WDR25: variants seen among roughly 807,000 people sequenced by gnomAD.
WDR25 encodes WD repeat domain 25.
In WDR25, 35 loss-of-function variants were observed where a neutral mutation model predicts 47.7. That is an observed-to-expected ratio of 0.73 (90% CI 0.56 to 0.97). The LOEUF (loss-of-function observed/expected upper bound fraction) is 0.97, where lower values mean the gene tolerates loss of function less well. Ranked by LOEUF, WDR25 falls within the 50% of genes least tolerant of loss-of-function variation. The pLI is 0.00. For synonymous variants in WDR25, 248 were observed against 278.9 expected, an observed-to-expected ratio of 0.89 and a Z score of 1.10; for missense variants, 634 against 704.7, an observed-to-expected ratio of 0.90 and a Z score of 1.14.
intron 2 of WDR25, among the ~76,000 whole-genome samples, chr14:100,454,291 C>T (rs1899131695): frequency 6.6e-6 from 1 of 152,190 alleles, no homozygotes; most frequent in Non-Finnish European, 1.5e-5. Context: ...CTCTCCTAAA[C>T]ATTCCTACCA....
intron 4 of WDR25, among the ~76,000 whole-genome samples, chr14:100,524,193 A>C (rs1404536795): frequency 6.6e-6 from 1 of 151,954 alleles, no homozygotes; most frequent in Non-Finnish European, 1.5e-5. Context: ...TGGCAGGGGC[A>C]TGTAGGTAGT....
intron 4 of WDR25, among the ~76,000 whole-genome samples, chr14:100,524,889 G>A (rs1260234045): frequency 6.6e-6 from 1 of 152,208 alleles, no homozygotes; most frequent in African/African-American, 2.4e-5. Flanking sequence ...TGAATTTGAT[G>A]TATACATTTT....
intron 2 of WDR25, among the ~76,000 whole-genome samples, chr14:100,410,830 T>C (rs1037740844): frequency 6.6e-6 from 1 of 151,334 alleles, no homozygotes; most frequent in Non-Finnish European, 1.5e-5. Flanking sequence ...TCGCCCACAC[T>C]GGAGTGCAGT....
In WDR25 at chr14:100,530,152, A is replaced by C; in HGVS notation, c.*111A>C. ...AGGTTGGCTGTGGGTCCTGGGTACC[A>C]CCTTCTGAGCCTCAGTTTCCTCATC... On this transcript the variant is annotated 3_prime_UTR_variant, in exon 7 of 7. Transcript: ENST00000402312. The C allele has an allele frequency of 9.2e-7, 1 of 1,087,780 alleles. No individual in the cohort carries two copies. The allele number at this position is 1,087,780 out of a possible 1,614,324, so 67.4% of individuals were successfully genotyped here.
intron 2 of WDR25, among the ~76,000 whole-genome samples, chr14:100,408,343 C>T (rs1473881499): frequency 1.3e-5 from 2 of 152,080 alleles, no homozygotes; most frequent in African/African-American, 4.8e-5. Context: ...AATTTAGGGG[C>T]TTAGAAACTC....
At position 100,378,863 on chromosome 14, in the gene WDR25, CAGG is replaced by C. The variant is rs1210072106; in HGVS notation, c.-15-2044_-15-2042del. 3.6e-5 allele frequency among the ~76,000 whole-genome samples: 2 copies of C among 56,310 alleles called. 1 individual carries two copies. The highest frequency in any genetic ancestry group is 9.6e-5 in the Non-Finnish European group (2 of 20,742). 36.9% of individuals were successfully genotyped at this position (56,310 alleles called of 152,430 possible). ...GTCCCAGCTACTTGGGAGGCTGAGG[CAGG>C]AGAATGGCGTGAACCCGGGAGGCGG... On this transcript the variant is annotated intron_variant, in intron 1 of 6. Transcript: ENST00000402312.
chr14:100,490,264 G>A (rs1900519197), intron 4 of WDR25, among the ~76,000 whole-genome samples: 1 of 152,222 alleles, frequency 6.6e-6, no homozygotes, highest in African/African-American at 2.4e-5. Flanking sequence ...CCAGCATCCA[G>A]CATAGTGCTA....
intron 3 of WDR25, among the ~76,000 whole-genome samples, chr14:100,473,403 G>A (rs963829241): frequency 1.3e-5 from 2 of 152,174 alleles, no homozygotes; most frequent in Admixed American, 1.3e-4. Context: ...GGTATGGTGT[G>A]GCATGCCCTC....
chr14:100,382,281 G>A (rs966319201), intron 2 of WDR25: 6 of 663,756 alleles, frequency 9.0e-6, no homozygotes, highest in Admixed American at 8.6e-5. Context: ...GGAGCCCAAC[G>A]GGAGGGTTAC....
At chr14:100,445,512 A>C (rs1249278297) in intron 2 of WDR25, among the ~76,000 whole-genome samples, 1 of 152,218 alleles carries the variant, frequency 6.6e-6, no homozygotes, top group Non-Finnish European at 1.5e-5. Flanking sequence ...AAAGGTGAAA[A>C]GAAGACTGAG....
intron 4 of WDR25, among the ~76,000 whole-genome samples, chr14:100,513,160 G>T (rs1039531665): frequency 1.2e-4 from 19 of 152,068 alleles, no homozygotes; most frequent in African/African-American, 3.4e-4. Context: ...TTCTATAAGA[G>T]CTGTGCTATA....
Position 100,425,355 on chromosome 14 carries a change from C to G in WDR25, c.823-42666C>G, listed in dbSNP as rs1279744397. Among the ~76,000 whole-genome samples, 1 of 152,250 alleles carries G rather than the reference C, an allele frequency of 6.6e-6. No individual in the cohort carries two copies. The highest frequency in any genetic ancestry group is 1.5e-5 in the Non-Finnish European group (1 of 68,044). On this transcript the variant is annotated intron_variant, in intron 2 of 6. Coordinates refer to ENST00000402312, the MANE Select transcript of WDR25 (RefSeq NM_001161476.3). This position sits in a 1 kb window ranked among gnomAD's most constrained non-coding sequence, Gnocchi z 4.8. ...CAGTGCCCAGCACAGGGGTGGCACA[C>G]ACCCAGGAGTAGCTGTTGGGTGGAT...
chr14:100,431,531 C>T (rs1898334834), intron 2 of WDR25, among the ~76,000 whole-genome samples: 1 of 151,416 alleles, frequency 6.6e-6, no homozygotes, highest in Non-Finnish European at 1.5e-5. Context: ...AATATGCATG[C>T]ATTTCTGTTG....
Position 100,404,187 on chromosome 14 carries a change from G to A in WDR25, c.822+22441G>A, listed in dbSNP as rs889305826. On this transcript the variant is annotated intron_variant, in intron 2 of 6. Coordinates refer to ENST00000402312, the MANE Select transcript of WDR25 (RefSeq NM_001161476.3). This position sits in a 1 kb window ranked among gnomAD's most constrained non-coding sequence, Gnocchi z 4.6. ...GTCCCCCTGAAACCTCTGAGGTGCC[G>A]ATGGCATGCCCCAACCTGCGTCCAA... Among the ~76,000 whole-genome samples, 7 of 152,186 alleles carry A rather than the reference G, an allele frequency of 4.6e-5. No individual in the cohort carries two copies. Among genetic ancestry groups the A allele is most frequent in the African/African-American group, 1.2e-4 (5 of 41,454 alleles).
chr14:100,416,698 T>C (rs554001191), intron 2 of WDR25, among the ~76,000 whole-genome samples: 2 of 152,342 alleles, frequency 1.3e-5, no homozygotes. Flanking sequence ...TGTGTTGCTG[T>C]AGCACCATGT....
At chr14:100,510,799 C>T (rs1222060907) in intron 4 of WDR25, among the ~76,000 whole-genome samples, 23 of 144,422 alleles carry the variant, frequency 1.6e-4, no homozygotes, top group Admixed American at 1.3e-4. Context: ...GACAGGGTCT[C>T]GCCATGTTGC....
intron 2 of WDR25, among the ~76,000 whole-genome samples, chr14:100,408,285 C>G (rs879864314): frequency 6.6e-6 from 1 of 152,122 alleles, no homozygotes. Context: ...TCCCACTGCT[C>G]CCCTCCTTCA....
At position 100,522,585 on chromosome 14, in the gene WDR25, A is replaced by G. The variant is rs370903293; in HGVS notation, c.1102-3285A>G. Among the ~76,000 whole-genome samples the G allele has an allele frequency of 6.6e-3, 1,011 of 152,302 alleles. 9 individuals are homozygous for G. The highest frequency in any genetic ancestry group is 0.023 in the African/African-American group (948 of 41,568). ...GCTCCATCCTAGGGACTCTAGCTCT[A>G]GCTGGCTGGGGAGGAGAAGGTTTAC... On this transcript the variant is annotated intron_variant, in intron 4 of 6. Transcript: ENST00000402312.
rs1389061174 is a variant in WDR25 at position 100,376,957 on chromosome 14, T to C, written c.-16+462T>C. On this transcript the variant is annotated intron_variant, in intron 1 of 6. Coordinates refer to ENST00000402312, the MANE Select transcript of WDR25 (RefSeq NM_001161476.3). Reference sequence around the variant, plus strand: ...CAAAACACAGAAAGTCCTGTCCTCATGGGGCTGACTTGCTGATAGTGACTG... The same window carrying C: ...CAAAACACAGAAAGTCCTGTCCTCACGGGGCTGACTTGCTGATAGTGACTG... Among the ~76,000 whole-genome samples the C allele has an allele frequency of 3.3e-5, 5 of 152,362 alleles. No individual in the cohort carries two copies. The East Asian group carries it at 9.7e-4, about 29-fold the overall frequency.
Sources: gnomAD v4.1 joint callset for allele counts (sites outside exome capture counted in the v4.1 genomes callset) on GRCh38, gnomAD v4.1.1 for gene constraint, Gnocchi (gnomAD v3.1) non-coding constraint, MANE v1.5 for transcripts, NCBI Gene and HGNC (gene_info 2026-07-23, HGNC 2026-07-21) for gene names.